Variants in NXPH1 observed in about 807,000 individuals in gnomAD.
NXPH1 encodes the protein neurexophilin-1.
Under a neutral mutation model 23.7 loss-of-function variants are expected in NXPH1, and 5 were observed. The observed-to-expected ratio is 0.21, with a 90% CI of 0.11 to 0.44. NXPH1 has a LOEUF of 0.44. NXPH1 is among the 20% of genes least tolerant of loss of function. The pLI is 0.99. For synonymous variants in NXPH1, 144 were observed against 122.2 expected (o/e 1.18, Z -1.18); for missense variants, 324 against 321.6 (o/e 1.01, Z -0.06).
At chr7:8,704,947 A>T (rs1265867580) in intron 2 of NXPH1, among the ~76,000 whole-genome samples, 1 of 152,124 alleles carries the variant, frequency 6.6e-6, no homozygotes, top group Non-Finnish European at 1.5e-5. Flanking sequence ...GCCCAAAAGG[A>T]CCTGCAACCA....
intron 2 of NXPH1, among the ~76,000 whole-genome samples, chr7:8,573,307 T>C (rs1818687561): frequency 6.6e-6 from 1 of 152,160 alleles, no homozygotes; most frequent in Non-Finnish European, 1.5e-5. Context: ...GCAACTGTTT[T>C]ACATTTAAAT....
intron 2 of NXPH1, among the ~76,000 whole-genome samples, chr7:8,707,316 A>C (rs566664248): frequency 5.9e-5 from 9 of 152,296 alleles, no homozygotes; most frequent in African/African-American, 1.9e-4. Context: ...ACCCATCTTA[A>C]ATATCACATC....
At chr7:8,489,780 G>A (rs1195519164) in intron 2 of NXPH1, among the ~76,000 whole-genome samples, 3 of 151,986 alleles carry the variant, frequency 2.0e-5, no homozygotes, top group Admixed American at 6.6e-5. Context: ...TCCCTTAGCT[G>A]GACATTTAAC....
intron 2 of NXPH1, among the ~76,000 whole-genome samples, chr7:8,581,924 C>T (rs892896224): frequency 6.6e-6 from 1 of 152,148 alleles, no homozygotes; most frequent in Non-Finnish European, 1.5e-5. Context: ...GCCCCTGCTG[C>T]CTCTGCTTGT....
At chr7:8,508,080 A>G (rs1452169894) in intron 2 of NXPH1, among the ~76,000 whole-genome samples, 1 of 152,120 alleles carries the variant, frequency 6.6e-6, no homozygotes, top group Non-Finnish European at 1.5e-5. Context: ...AAGTTTAGAC[A>G]GTTCTCAGTA....
At chr7:8,744,134 G>T (rs528479845) in intron 2 of NXPH1, among the ~76,000 whole-genome samples, 7 of 152,020 alleles carry the variant, frequency 4.6e-5, no homozygotes, top group Non-Finnish European at 7.4e-5. Flanking sequence ...AATGACCCTT[G>T]TCTATGCCCC....
At position 8,734,115 on chromosome 7, in the gene NXPH1, A is replaced by G. The variant is rs1780204196; in HGVS notation, c.55-16893A>G. ...ATGGCTAGCCAGTTTTCCCAGCACC[A>G]TTTATTAAATAGAAAATCCTTTCCC... On this transcript the variant is annotated intron_variant, in intron 2 of 2. Coordinates refer to ENST00000405863, the MANE Select transcript of NXPH1 (RefSeq NM_152745.3). Among the ~76,000 whole-genome samples, 12 of 152,292 alleles carry G rather than the reference A, an allele frequency of 7.9e-5. No homozygotes were observed. In the South Asian group the frequency reaches 2.5e-3, roughly 32 times the overall value.
intron 2 of NXPH1, among the ~76,000 whole-genome samples, chr7:8,570,081 G>A (rs1238135534): frequency 6.6e-6 from 1 of 151,880 alleles, no homozygotes; most frequent in Non-Finnish European, 1.5e-5. Context: ...TCAATTGAGT[G>A]CCAGTTATGT....
At chr7:8,628,599 AG>A in intron 2 of NXPH1, among the ~76,000 whole-genome samples, 1 of 151,944 alleles carries the variant, frequency 6.6e-6, no homozygotes, top group East Asian at 1.9e-4. Flanking sequence ...TAAAAAAAAA[AG>A]AACTGGGGGG....
In NXPH1 at chr7:8,727,165, C is replaced by T. The variant is rs201467640; in HGVS notation, c.55-23843C>T. On this transcript the variant is annotated intron_variant, in intron 2 of 2. Coordinates refer to ENST00000405863, the MANE Select transcript of NXPH1 (RefSeq NM_152745.3). Reference sequence around the variant, plus strand: ...GAGAAGTGTCTGTTCATGTCCTTCGCCCACTTTTTGATGGGGTTGTTTGTT... The same window carrying T: ...GAGAAGTGTCTGTTCATGTCCTTCGTCCACTTTTTGATGGGGTTGTTTGTT... Among the ~76,000 whole-genome samples, 931 of 137,118 alleles carry T rather than the reference C, an allele frequency of 6.8e-3. 8 individuals carry two copies. Among genetic ancestry groups the T allele is most frequent in the Admixed American group, 0.012 (175 of 14,038 alleles). 90.0% of individuals were successfully genotyped at this position (137,118 alleles called of 152,430 possible). A position where few individuals can be genotyped will look rare whatever the true frequency, so the allele number is the denominator to read the frequency against.
chr7:8,459,726 A>G (rs1480552400), intron 2 of NXPH1, among the ~76,000 whole-genome samples: 1 of 152,182 alleles, frequency 6.6e-6, no homozygotes, highest in African/African-American at 2.4e-5. Context: ...AGGGTAAGGA[A>G]AATCTAGGGG....
At chr7:8,664,623 C>T (rs737928) in intron 2 of NXPH1, among the ~76,000 whole-genome samples, 96,499 of 151,918 alleles carry the variant, frequency 0.64, 31,550 homozygotes, top group Middle Eastern at 0.76. Flanking sequence ...TCCATAATGC[C>T]TGTACTAATT....
chr7:8,595,950 C>T (rs938220292), intron 2 of NXPH1, among the ~76,000 whole-genome samples: 8 of 151,944 alleles, frequency 5.3e-5, no homozygotes, highest in African/African-American at 1.9e-4. Flanking sequence ...TTAAGTTACT[C>T]AGATGAATTA....
intron 2 of NXPH1, among the ~76,000 whole-genome samples, chr7:8,731,942 T>C (rs926294510): frequency 2.0e-5 from 3 of 152,238 alleles, no homozygotes; most frequent in Non-Finnish European, 2.9e-5. Context: ...CCCCCGGCCT[T>C]GCTGCTGCCT....
In NXPH1 at chr7:8,572,129, T is replaced by C. The variant is rs1330274350; in HGVS notation, c.54+136362T>C. On this transcript the variant is annotated intron_variant, in intron 2 of 2. Transcript: ENST00000405863. Reference sequence around the variant, plus strand: ...TAATTTTTTAGTATGTCTTAAATAATGCATGGAATATACATATATTTTAAA... The same window carrying C: ...TAATTTTTTAGTATGTCTTAAATAACGCATGGAATATACATATATTTTAAA... 1.3e-5 allele frequency among the ~76,000 whole-genome samples: 2 copies of C among 151,942 alleles called. 1 individual carries two copies. The highest frequency in any genetic ancestry group is 4.8e-5 in the African/African-American group (2 of 41,386).
At chr7:8,698,860 A>G (rs1779577125) in intron 2 of NXPH1, among the ~76,000 whole-genome samples, 1 of 152,140 alleles carries the variant, frequency 6.6e-6, no homozygotes, top group Non-Finnish European at 1.5e-5. Flanking sequence ...CTAGTTTTGA[A>G]TTTAGCCCAG....
Position 8,751,190 on chromosome 7 carries a change from A to G in NXPH1, c.237A>G (p.Pro79=), listed in dbSNP as rs1780559106. 1.2e-6 allele frequency: 2 copies of G among 1,613,818 alleles called. No homozygotes were observed. The highest frequency in any genetic ancestry group is 1.1e-5 in the South Asian group (1 of 91,092). ...DTDLDLRYDT[P]EPYSEQDLWD... ...ATTTGGACCTGAGATATGACACCCC[A>G]GAACCTTATTCTGAGCAAGACCTCT... is the stretch of plus-strand genomic sequence containing the variant. Residue 79 remains proline, a synonymous_variant, in exon 3 of 3, where the codon CCA becomes CCG. Transcript: ENST00000405863. This position sits in a 1 kb window ranked among gnomAD's most constrained non-coding sequence, Gnocchi z 4.5.
chr7:8,737,871 T>C (rs1190535821), intron 2 of NXPH1, among the ~76,000 whole-genome samples: 1 of 152,208 alleles, frequency 6.6e-6, no homozygotes, highest in Non-Finnish European at 1.5e-5. Context: ...TCACACTTTA[T>C]TTCATTAAGT....
intron 2 of NXPH1, chr7:8,690,286 T>A (rs1363640566): frequency 6.6e-6 from 1 of 152,208 alleles, no homozygotes; most frequent in East Asian, 1.9e-4. Flanking sequence ...CTGAAGACAG[T>A]GGAAGCAGCA....
Sources: gnomAD v4.1 joint callset for allele counts (sites outside exome capture counted in the v4.1 genomes callset) on GRCh38, gnomAD v4.1.1 for gene constraint, Gnocchi (gnomAD v3.1) non-coding constraint, MANE v1.5 for transcripts, NCBI Gene and HGNC (gene_info 2026-07-23, HGNC 2026-07-21) for gene names.